SEC11A: variants seen among roughly 807,000 people sequenced by gnomAD.
SEC11A encodes the protein signal peptidase complex catalytic subunit SEC11A.
A neutral mutation model predicts 25.6 loss-of-function variants in SEC11A; 14 were observed. That is an observed-to-expected ratio of 0.55 (90% CI 0.36 to 0.85). The LOEUF (loss-of-function observed/expected upper bound fraction) is 0.85, where lower values mean the gene tolerates loss of function less well. Among genes scored for constraint, SEC11A ranks in the 40% least tolerant of loss-of-function variants. The pLI is 0.01. For synonymous variants in SEC11A, 83 were observed against 76.4 expected (o/e 1.09, Z -0.45); for missense variants, 153 against 222.9 (o/e 0.69, Z 2.00).
At chr15:84,671,333 A>T (rs979267727) in intron 4 of SEC11A, 2 of 152,216 alleles carry the variant, frequency 1.3e-5, no homozygotes, top group Admixed American at 1.3e-4. Flanking sequence ...ATATGTAGCA[A>T]ACCAGTCTCA....
chr15:84,695,744 T>C (rs1474152018), intron 1 of SEC11A, among the ~76,000 whole-genome samples: 1 of 152,238 alleles, frequency 6.6e-6, no homozygotes, highest in Non-Finnish European at 1.5e-5. Flanking sequence ...TCAAGTTTCA[T>C]ATTCTTCACA....
intron 3 of SEC11A, among the ~76,000 whole-genome samples, chr15:84,682,196 C>T (rs919279921): frequency 2.0e-5 from 3 of 151,952 alleles, no homozygotes; most frequent in African/African-American, 7.3e-5. Context: ...ATGTCAGAAA[C>T]TCCCCAAATT....
intron 4 of SEC11A, chr15:84,680,087 G>T: frequency 1.7e-6 from 1 of 605,896 alleles, no homozygotes; most frequent in Non-Finnish European, 2.8e-6. Flanking sequence ...ACACTTTTGA[G>T]TTATTGACTT....
chr15:84,699,575 G>A (rs537025437), intron 1 of SEC11A, among the ~76,000 whole-genome samples: 51 of 152,186 alleles, frequency 3.4e-4, no homozygotes, highest in African/African-American at 1.2e-3. Context: ...CCAGACCACA[G>A]GGCAAAGGAG....
intron 4 of SEC11A, among the ~76,000 whole-genome samples, chr15:84,677,792 G>T (rs577828915): frequency 1.3e-5 from 2 of 152,230 alleles, no homozygotes; most frequent in South Asian, 4.1e-4. Flanking sequence ...TTCAAAAATT[G>T]TCCAGAAGAC....
chr15:84,708,524 T>C (rs868067815), intron 1 of SEC11A, among the ~76,000 whole-genome samples: 37 of 152,198 alleles, frequency 2.4e-4, no homozygotes, highest in African/African-American at 8.2e-4. Context: ...GGTTTCTGTA[T>C]GTTTCACTAG....
intron 1 of SEC11A, among the ~76,000 whole-genome samples, chr15:84,704,085 G>A (rs1233467296): frequency 6.6e-6 from 1 of 152,028 alleles, no homozygotes; most frequent in East Asian, 1.9e-4. Flanking sequence ...AACCAACACT[G>A]CCACCAATCC....
intron 1 of SEC11A, among the ~76,000 whole-genome samples, chr15:84,700,466 T>C (rs1209233821): frequency 2.6e-5 from 4 of 150,946 alleles, no homozygotes; most frequent in African/African-American, 9.8e-5. Flanking sequence ...TGGTGGCGCA[T>C]GCCTGTAGTC....
intron 1 of SEC11A, among the ~76,000 whole-genome samples, chr15:84,699,596 A>G (rs1445897212): frequency 1.1e-4 from 17 of 152,104 alleles, no homozygotes; most frequent in Admixed American, 1.1e-3. Flanking sequence ...AAATGCAGAC[A>G]GAGCCTAGCA....
At chr15:84,692,604 C>T (rs575046616) in intron 1 of SEC11A, among the ~76,000 whole-genome samples, 2 of 152,076 alleles carry the variant, frequency 1.3e-5, no homozygotes, top group African/African-American at 4.8e-5. Context: ...ATTCAGAACA[C>T]GTGGAAAAAG....
rs565774816 is a variant in SEC11A, at chr15:84,700,395, ACTGGC to A, written c.52-8756_52-8752del. On this transcript the variant is annotated intron_variant, in intron 1 of 5. Coordinates refer to ENST00000268220, the MANE Select transcript of SEC11A (RefSeq NM_014300.4). ...CAGATCACATGGTCAGGAGTTCTAG[ACTGGC>A]CTGGCCAACATGGTAAAATCCCATC... is the stretch of plus-strand genomic sequence containing the variant. Among the ~76,000 whole-genome samples, 599 of 151,562 alleles carry A rather than the reference ACTGGC, an allele frequency of 4.0e-3. 10 individuals carry two copies. Among genetic ancestry groups the A allele is most frequent in the African/African-American group, 0.014 (569 of 41,042 alleles).
chr15:84,679,938 T>C (rs1205678482), intron 4 of SEC11A: 3 of 1,530,722 alleles, frequency 2.0e-6, no homozygotes, highest in Non-Finnish European at 2.6e-6. Flanking sequence ...TTACAATTCC[T>C]GTCCTCCACT....
chr15:84,698,270 T>C (rs1277421813), intron 1 of SEC11A, among the ~76,000 whole-genome samples: 1 of 152,208 alleles, frequency 6.6e-6, no homozygotes, highest in African/African-American at 2.4e-5. Context: ...TTGTAAGAGA[T>C]ATTTGAAGTT....
Position 84,678,967 on chromosome 15 carries a change from C to T in SEC11A, c.431+1746G>A, listed in dbSNP as rs1897213216. Among the ~76,000 whole-genome samples the T allele has an allele frequency of 2.0e-5, 3 of 151,396 alleles. No homozygotes were observed. In the South Asian group the frequency reaches 6.2e-4, roughly 31 times the overall value. On this transcript the variant is annotated intron_variant, in intron 4 of 5. Transcript: ENST00000268220. ...TGAGATCATGCCACCCACACTCTAGCCTGGGTGACAGAGCAAGACTGTCTC... is the reference window on the plus strand; with the variant it reads ...TGAGATCATGCCACCCACACTCTAGTCTGGGTGACAGAGCAAGACTGTCTC...
chr15:84,691,450 G>A, intron 2 of SEC11A, 85 bp downstream of exon 2: 1 of 736,980 alleles, frequency 1.4e-6, no homozygotes, highest in Non-Finnish European at 2.3e-6. Context: ...GTTTCTAAGA[G>A]AATGATATGC....
At chr15:84,677,225 A>G (rs910209712) in intron 4 of SEC11A, among the ~76,000 whole-genome samples, 4 of 152,220 alleles carry the variant, frequency 2.6e-5, no homozygotes, top group Non-Finnish European at 4.4e-5. Flanking sequence ...TTTCCACAAA[A>G]GAAAGTGTTA....
At chr15:84,693,946 A>T (rs776003669) in intron 1 of SEC11A, among the ~76,000 whole-genome samples, 19 of 152,222 alleles carry the variant, frequency 1.2e-4, no homozygotes, top group Non-Finnish European at 2.4e-4. Flanking sequence ...ACATAAGTAT[A>T]CATAGAACAA....
chr15:84,690,484 G>A (rs982238788), intron 2 of SEC11A, among the ~76,000 whole-genome samples: 8 of 152,110 alleles, frequency 5.3e-5, no homozygotes, highest in African/African-American at 1.9e-4. Context: ...AGGCATGGTG[G>A]GGCAGGCCTG....
intron 1 of SEC11A, among the ~76,000 whole-genome samples, chr15:84,699,187 T>C (rs952127473): frequency 2.0e-5 from 3 of 151,810 alleles, no homozygotes; most frequent in Admixed American, 6.6e-5. Context: ...TGGTGGCACG[T>C]GCCTGTGGTC....
Sources: gnomAD v4.1 joint callset for allele counts (sites outside exome capture counted in the v4.1 genomes callset) on GRCh38, gnomAD v4.1.1 for gene constraint, MANE v1.5 for transcripts, NCBI Gene and HGNC (gene_info 2026-07-23, HGNC 2026-07-21) for gene names.